Variants in ENAH observed in about 807,000 individuals in gnomAD.
The protein encoded by ENAH is protein enabled homolog.
In ENAH, 23 loss-of-function variants were observed where a neutral mutation model predicts 78.7. The ratio of observed to expected loss-of-function variants is 0.29; its 90% CI spans 0.21 to 0.41. The LOEUF (loss-of-function observed/expected upper bound fraction) is 0.41, where lower values mean the gene tolerates loss of function less well. Among genes scored for constraint, ENAH ranks in the 10% least tolerant of loss-of-function variants. The probability of loss-of-function intolerance (pLI) is 1.00; values close to 1 mark genes in which losing one functional copy is unlikely to be tolerated. For missense variants in ENAH, 544 were observed against 691.0 expected, an observed-to-expected ratio of 0.79 and a Z score of 2.39; for synonymous variants, 226 against 241.0, an observed-to-expected ratio of 0.94 and a Z score of 0.58.
chr1:225,564,360 G>A (rs1017013210), intron 2 of ENAH, among the ~76,000 whole-genome samples: 2 of 151,822 alleles, frequency 1.3e-5, no homozygotes, highest in African/African-American at 2.4e-5. Flanking sequence ...CGCAATCTCG[G>A]CTCACCGCAA....
chr1:225,630,054 CATA>C (rs1658718536), intron 1 of ENAH, among the ~76,000 whole-genome samples: 1 of 151,968 alleles, frequency 6.6e-6, no homozygotes, highest in Non-Finnish European at 1.5e-5. Context: ...TATAATTAAC[CATA>C]ATATGTATAA....
Position 225,582,365 on chromosome 1 carries a change from G to A in ENAH, c.6-14951C>T, listed in dbSNP as rs189294349. 2.2e-4 allele frequency among the ~76,000 whole-genome samples: 33 copies of A among 152,236 alleles called. 1 individual carries two copies. Among genetic ancestry groups the A allele is most frequent in the African/African-American group, 7.7e-4 (32 of 41,534 alleles). ...ATTTATTTATAGCAGTGAAAAGAAC[G>A]GACTAATGCAGGAAGGCACTGGAGA... On this transcript the variant is annotated intron_variant, in intron 1 of 13. Coordinates refer to ENST00000366843, the MANE Select transcript of ENAH (RefSeq NM_018212.6).
chr1:225,632,608 G>T (rs1163440041), intron 1 of ENAH, among the ~76,000 whole-genome samples: 1 of 151,976 alleles, frequency 6.6e-6, no homozygotes, highest in African/African-American at 2.4e-5. Flanking sequence ...GAAAAAATGT[G>T]ATTTAAAAGC....
intron 1 of ENAH, among the ~76,000 whole-genome samples, chr1:225,618,169 G>A (rs1367967908): frequency 6.6e-6 from 1 of 152,140 alleles, no homozygotes; most frequent in Non-Finnish European, 1.5e-5. Context: ...AACAGCTGTT[G>A]CCCTTGCCAA....
chr1:225,556,055 C>T (rs1004420160), intron 2 of ENAH, among the ~76,000 whole-genome samples: 1 of 152,128 alleles, frequency 6.6e-6, no homozygotes, highest in Non-Finnish European at 1.5e-5. Flanking sequence ...GTGGTTTGTT[C>T]ATTTTCACTG....
At chr1:225,545,511 G>C (rs1283403557) in intron 3 of ENAH, among the ~76,000 whole-genome samples, 1 of 152,114 alleles carries the variant, frequency 6.6e-6, no homozygotes. Context: ...CTAAAAAGCA[G>C]TTATATTTAA....
chr1:225,539,257 G>A (rs2096577527), intron 3 of ENAH, among the ~76,000 whole-genome samples: 1 of 152,056 alleles, frequency 6.6e-6, no homozygotes, highest in African/African-American at 2.4e-5. Context: ...ATGATCCCTT[G>A]CTTAGTCATG....
chr1:225,524,603 G>A (rs970485152), intron 4 of ENAH: 25 of 985,412 alleles, frequency 2.5e-5, no homozygotes, highest in Non-Finnish European at 3.0e-5. Flanking sequence ...ACTCACAAGA[G>A]AAGGCGGTCA....
chr1:225,633,361 A>T (rs1659472771), intron 1 of ENAH, among the ~76,000 whole-genome samples: 1 of 139,372 alleles, frequency 7.2e-6, no homozygotes, highest in Admixed American at 6.9e-5. Context: ...ACTGTCACTC[A>T]AAGTCTTTAA....
intron 11 of ENAH, 81 bp downstream of exon 11, chr1:225,507,870 T>A (rs1173587165): frequency 3.1e-6 from 3 of 981,108 alleles, no homozygotes; most frequent in South Asian, 1.7e-5. Flanking sequence ...TTTCTTACCA[T>A]TCAATTTTTT....
intron 1 of ENAH, among the ~76,000 whole-genome samples, chr1:225,630,528 G>T (rs1658823672): frequency 6.6e-6 from 1 of 152,190 alleles, no homozygotes; most frequent in Non-Finnish European, 1.5e-5. Context: ...TTATCCAGGA[G>T]ATGAACAGTT....
chr1:225,518,830 G>A (rs1280252334), intron 5 of ENAH, among the ~76,000 whole-genome samples: 1 of 152,068 alleles, frequency 6.6e-6, no homozygotes, highest in Non-Finnish European at 1.5e-5. Flanking sequence ...TGGTACTACA[G>A]TACTATAGTA....
intron 3 of ENAH, among the ~76,000 whole-genome samples, chr1:225,543,110 A>T (rs1432699493): frequency 6.6e-6 from 1 of 152,110 alleles, no homozygotes; most frequent in Non-Finnish European, 1.5e-5. Flanking sequence ...TTATGCAAAA[A>T]CCCACTCTAC....
At chr1:225,507,863 C>CT (rs2096346248) in intron 11 of ENAH, 88 bp downstream of exon 11, 1 of 905,024 alleles carries the variant, frequency 1.1e-6, no homozygotes, top group South Asian at 1.8e-5. Flanking sequence ...TGTATAATTT[C>CT]TTACCATTCA....
At chr1:225,561,986 G>A (rs921203334) in intron 2 of ENAH, among the ~76,000 whole-genome samples, 1 of 152,064 alleles carries the variant, frequency 6.6e-6, no homozygotes, top group African/African-American at 2.4e-5. Flanking sequence ...TATCACAACT[G>A]AAACATTTAA....
intron 3 of ENAH, among the ~76,000 whole-genome samples, chr1:225,549,102 G>A (rs931343753): frequency 3.9e-5 from 6 of 152,000 alleles, no homozygotes; most frequent in African/African-American, 1.2e-4. Context: ...CACCCGCCTC[G>A]GCCTCCCTAA....
chr1:225,512,462 C>T (rs2096384917), intron 9 of ENAH, among the ~76,000 whole-genome samples, 195 bp downstream of exon 9: 1 of 152,200 alleles, frequency 6.6e-6, no homozygotes, highest in Non-Finnish European at 1.5e-5. Context: ...ATATTCAACT[C>T]ACTTTACTAA....
intron 1 of ENAH, among the ~76,000 whole-genome samples, chr1:225,639,916 C>T (rs1177285764): frequency 6.6e-6 from 1 of 152,152 alleles, no homozygotes; most frequent in Non-Finnish European, 1.5e-5. Flanking sequence ...GTGGAGTCTA[C>T]CTTACCTCTG....
At position 225,551,497 on chromosome 1, in the gene ENAH, G is replaced by C. The variant is rs540423356; in HGVS notation, c.349+3409C>G. ...GATTATTGGTTTTAGCACAAAACGT[G>C]AGCTAGTAATTTTCAAATTCAGTTC... On this transcript the variant is annotated intron_variant, in intron 3 of 13. Coordinates refer to ENST00000366843, the MANE Select transcript of ENAH (RefSeq NM_018212.6). 1.8e-4 allele frequency among the ~76,000 whole-genome samples: 27 copies of C among 152,214 alleles called. 2 individuals carry two copies. The South Asian group carries it at 4.4e-3, about 25-fold the overall frequency.
Sources: gnomAD v4.1 joint callset for allele counts (sites outside exome capture counted in the v4.1 genomes callset) on GRCh38, gnomAD v4.1.1 for gene constraint, MANE v1.5 for transcripts, NCBI Gene and HGNC (gene_info 2026-07-23, HGNC 2026-07-21) for gene names.